The following DLGAP1 variants were observed in gnomAD, a reference collection of about 807,000 sequenced individuals.
The protein encoded by DLGAP1 is disks large-associated protein 1.
DLGAP1 carries 11 observed loss-of-function variants against 90.8 expected under a neutral mutation model. The ratio of observed to expected loss-of-function variants is 0.12; its 90% confidence interval spans 0.08 to 0.20. The LOEUF is 0.20. Among genes scored for constraint, DLGAP1 ranks in the 10% least tolerant of loss-of-function variants. DLGAP1 has a pLI of 1.00. For missense variants in DLGAP1, 1,050 were observed against 1,333.8 expected (o/e 0.79, Z 3.31); for synonymous variants, 558 against 540.7 (o/e 1.03, Z -0.44).
chr18:4,041,576 C>G (rs1473005019), intron 2 of DLGAP1, among the ~76,000 whole-genome samples: 1 of 152,186 alleles, frequency 6.6e-6, no homozygotes, highest in Non-Finnish European at 1.5e-5. Context: ...TTCATATTAG[C>G]ATAATTATTA....
intron 1 of DLGAP1, among the ~76,000 whole-genome samples, chr18:4,191,423 A>G (rs1042692479): frequency 1.4e-4 from 21 of 152,204 alleles, no homozygotes; most frequent in Admixed American, 9.8e-4. Context: ...TAGTACTTCC[A>G]TAAGATTTAA....
intron 7 of DLGAP1, among the ~76,000 whole-genome samples, chr18:3,682,126 A>AAT (rs1555627031): frequency 3.1e-4 from 38 of 121,424 alleles, no homozygotes; most frequent in South Asian, 1.7e-3. Flanking sequence ...CAAAAAAAAA[A>AAT]AAAATAAAAA....
intron 4 of DLGAP1, chr18:3,821,935 C>A: frequency 1.0e-6 from 1 of 984,916 alleles, no homozygotes; most frequent in Non-Finnish European, 1.2e-6. Context: ...AACTGCTTTT[C>A]TGCTCCACAC....
chr18:3,897,556 T>C (rs953825411), intron 3 of DLGAP1, among the ~76,000 whole-genome samples: 1 of 152,180 alleles, frequency 6.6e-6, no homozygotes, highest in African/African-American at 2.4e-5. Context: ...AAATATATTG[T>C]GTATAAAATG....
At chr18:4,421,830 T>A (rs1048183335) in intron 1 of DLGAP1, among the ~76,000 whole-genome samples, 1 of 152,234 alleles carries the variant, frequency 6.6e-6, no homozygotes, top group East Asian at 1.9e-4. Context: ...TGCCTCAGCC[T>A]CCCGAGTAGC....
At chr18:4,006,395 C>T (rs2074300886) in intron 2 of DLGAP1, among the ~76,000 whole-genome samples, 1 of 152,144 alleles carries the variant, frequency 6.6e-6, no homozygotes, top group Non-Finnish European at 1.5e-5. Flanking sequence ...CATTTCATTT[C>T]TCATTTCTTC....
intron 3 of DLGAP1, among the ~76,000 whole-genome samples, chr18:3,912,311 T>C (rs1031442785): frequency 6.6e-6 from 1 of 152,194 alleles, no homozygotes; most frequent in Non-Finnish European, 1.5e-5. Context: ...TGTTAAGTTC[T>C]GTGGGGGAAA....
intron 1 of DLGAP1, among the ~76,000 whole-genome samples, chr18:4,277,799 T>C (rs1442743785): frequency 6.6e-6 from 1 of 152,176 alleles, no homozygotes; most frequent in African/African-American, 2.4e-5. Flanking sequence ...TTTATGTATT[T>C]TGGCTGTCTG....
At chr18:4,366,079 T>C (rs542688494) in intron 1 of DLGAP1, among the ~76,000 whole-genome samples, 5 of 152,214 alleles carry the variant, frequency 3.3e-5, no homozygotes, top group Admixed American at 6.5e-5. Flanking sequence ...ATGACCGAGA[T>C]ATACTTTCAA....
intron 7 of DLGAP1, among the ~76,000 whole-genome samples, chr18:3,626,694 T>C (rs1029622202): frequency 1.3e-5 from 2 of 151,404 alleles, no homozygotes; most frequent in Admixed American, 6.6e-5. Flanking sequence ...TCACTTGAGG[T>C]CAGGAGTTCA....
chr18:3,706,945 C>T (rs1393539568), intron 7 of DLGAP1, among the ~76,000 whole-genome samples: 2 of 151,942 alleles, frequency 1.3e-5, no homozygotes, highest in African/African-American at 2.4e-5. Flanking sequence ...TGGGAATGGG[C>T]GGAAAAGGAA....
Position 3,878,226 on chromosome 18 carries a change from AG to A in DLGAP1, c.957+885del, listed in dbSNP as rs1384300997. On this transcript the variant is annotated intron_variant, in intron 4 of 12. Coordinates refer to ENST00000315677, the MANE Select transcript of DLGAP1 (RefSeq NM_004746.4). ...CAGAGAAGAAAAGACACTCTGAAAA[AG>A]GAAAAGATGAGAGTTCTTATGGAAA... 7.2e-5 allele frequency: 11 copies of A among 152,198 alleles called. 2 individuals carry two copies. Among genetic ancestry groups the A allele is most frequent in the Admixed American group, 7.2e-4 (11 of 15,276 alleles). 9.4% of individuals were successfully genotyped at this position (152,198 alleles called of 1,614,324 possible).
At chr18:3,826,112 C>T (rs577399909) in intron 4 of DLGAP1, among the ~76,000 whole-genome samples, 1 of 152,200 alleles carries the variant, frequency 6.6e-6, no homozygotes, top group African/African-American at 2.4e-5. Flanking sequence ...ACAGTAGACA[C>T]TGAGGACTCC....
At chr18:4,384,117 T>G (rs561725853) in intron 1 of DLGAP1, among the ~76,000 whole-genome samples, 1 of 152,180 alleles carries the variant, frequency 6.6e-6, no homozygotes, top group Non-Finnish European at 1.5e-5. Flanking sequence ...GAATTGAAGA[T>G]ATTATTCAAT....
intron 5 of DLGAP1, among the ~76,000 whole-genome samples, chr18:3,803,831 C>T (rs970322737): frequency 9.2e-5 from 14 of 151,796 alleles, no homozygotes; most frequent in African/African-American, 3.4e-4. Flanking sequence ...AGGATCTTAT[C>T]ATATGTACTA....
chr18:3,882,953 A>C (rs997528347), intron 3 of DLGAP1, among the ~76,000 whole-genome samples: 2 of 152,188 alleles, frequency 1.3e-5, no homozygotes, highest in Non-Finnish European at 2.9e-5. Flanking sequence ...TAAGAAACAA[A>C]ACATATAGTG....
intron 2 of DLGAP1, among the ~76,000 whole-genome samples, chr18:4,058,559 G>A (rs2075255927): frequency 6.6e-6 from 1 of 152,196 alleles, no homozygotes; most frequent in African/African-American, 2.4e-5. Flanking sequence ...CCTTTGGGAG[G>A]AGGGAAAATT....
At chr18:4,072,021 T>G (rs555715173) in intron 2 of DLGAP1, among the ~76,000 whole-genome samples, 9 of 152,196 alleles carry the variant, frequency 5.9e-5, no homozygotes, top group Non-Finnish European at 1.0e-4. Flanking sequence ...TAAATTTTAA[T>G]TATCTCTTGG....
intron 1 of DLGAP1, among the ~76,000 whole-genome samples, chr18:4,356,911 C>T (rs2081528240): frequency 6.6e-6 from 1 of 152,114 alleles, no homozygotes. Context: ...TGTCACAGGA[C>T]CTTAGCCTTT....
Sources: allele counts gnomAD v4.1 joint callset (sites outside exome capture counted in the v4.1 genomes callset), GRCh38; gene constraint gnomAD v4.1.1; transcripts MANE v1.5; gene names NCBI Gene and HGNC (gene_info 2026-07-23, HGNC 2026-07-21).